The following RASSF3 variants were observed in gnomAD, a reference collection of about 807,000 sequenced individuals.
RASSF3 encodes the protein Ras association domain family member 3.
Under a neutral mutation model 19.9 loss-of-function variants are expected in RASSF3, and 19 were observed. The observed-to-expected ratio is 0.96, with a 90% CI of 0.67 to 1.40. RASSF3 has a LOEUF of 1.40. RASSF3 is among the 40% of genes most tolerant of loss of function. The pLI is 0.00. For synonymous variants in RASSF3, 110 were observed against 104.2 expected, an observed-to-expected ratio of 1.06 and a Z score of -0.34; for missense variants, 306 against 289.8, an observed-to-expected ratio of 1.06 and a Z score of -0.41.
chr12:64,598,576 C>T lies in RASSF3; in HGVS notation c.294+56871C>T, dbSNP rs149391456. Among the ~76,000 whole-genome samples, 374 of 152,270 alleles carry T rather than the reference C, an allele frequency of 2.5e-3. 3 individuals are homozygous for T. The highest frequency in any genetic ancestry group is 8.6e-3 in the African/African-American group (357 of 41,546). ...CCTTTGATATGGACAATTTATGCAGCCCAGCTTAGGCTACCACTAAGGCCT... is the reference window on the plus strand; with the variant it reads ...CCTTTGATATGGACAATTTATGCAGTCCAGCTTAGGCTACCACTAAGGCCT... On this transcript the variant is annotated intron_variant, in intron 2 of 5. Coordinates refer to the RASSF3 transcript ENST00000637125.
intron 1 of RASSF3, among the ~76,000 whole-genome samples, chr12:64,536,529 C>T (rs1338856657): frequency 6.6e-6 from 1 of 152,098 alleles, no homozygotes; most frequent in Non-Finnish European, 1.5e-5. Context: ...TTTATTATCA[C>T]ATAGACACAC....
At chr12:64,676,543 C>T (rs1275389617) in intron 1 of RASSF3, among the ~76,000 whole-genome samples, 1 of 144,476 alleles carries the variant, frequency 6.9e-6, no homozygotes, top group African/African-American at 2.6e-5. Flanking sequence ...ACAATTTTGG[C>T]TCACTGCAAC....
intron 2 of RASSF3, among the ~76,000 whole-genome samples, chr12:64,591,848 C>A (rs997822946): frequency 2.0e-5 from 3 of 151,894 alleles, no homozygotes. Flanking sequence ...TATGTGTTCT[C>A]ATCTGTTTCC....
At chr12:64,641,684 CG>C (rs1231099372) in intron 1 of RASSF3, among the ~76,000 whole-genome samples, 52 of 148,344 alleles carry the variant, frequency 3.5e-4, no homozygotes, top group African/African-American at 1.2e-3. Flanking sequence ...GGCATTTAAG[CG>C]GTTGAATATC....
intron 1 of RASSF3, among the ~76,000 whole-genome samples, chr12:64,632,757 TAAGGGTCTG>T (rs1871209021): frequency 6.6e-6 from 1 of 152,064 alleles, no homozygotes; most frequent in South Asian, 2.1e-4. Flanking sequence ...CAGCCAGAAT[TAAGGGTCTG>T]AAGCTCAGGA....
intron 2 of RASSF3, among the ~76,000 whole-genome samples, chr12:64,577,530 A>G (rs774491702): frequency 7.2e-5 from 11 of 152,196 alleles, no homozygotes; most frequent in Non-Finnish European, 1.5e-4. Context: ...CAGGAGTTGG[A>G]GACCAGCCTG....
chr12:64,635,662 T>C (rs1430314445), intron 1 of RASSF3, among the ~76,000 whole-genome samples: 1 of 152,206 alleles, frequency 6.6e-6, no homozygotes, highest in East Asian at 1.9e-4. Flanking sequence ...CGTTAGAAAC[T>C]GGGTGGTCTG....
At chr12:64,691,412 G>T (rs1486687277) in intron 3 of RASSF3, 58 bp from the exon 4 acceptor site, 2 of 1,142,986 alleles carry the variant, frequency 1.7e-6, no homozygotes, top group Non-Finnish European at 2.6e-6. Flanking sequence ...TCACAATGGG[G>T]AAGTGGTCTC....
intron 1 of RASSF3, among the ~76,000 whole-genome samples, chr12:64,614,222 C>G (rs1242309007): frequency 6.7e-6 from 1 of 150,214 alleles, no homozygotes; most frequent in Non-Finnish European, 1.5e-5. Context: ...CAACCTCCGT[C>G]TCCCGCGTGC....
downstream of RASSF3, among the ~76,000 whole-genome samples, chr12:64,545,969 G>T (rs1038466194): frequency 6.6e-6 from 1 of 151,798 alleles, no homozygotes; most frequent in African/African-American, 2.4e-5. Flanking sequence ...GGCAGCAGGC[G>T]CTTGTAGTCC....
At chr12:64,591,940 C>T (rs1869932975) in intron 2 of RASSF3, among the ~76,000 whole-genome samples, 1 of 150,298 alleles carries the variant, frequency 6.7e-6, no homozygotes, top group Non-Finnish European at 1.5e-5. Flanking sequence ...TTTACTGTGT[C>T]CCCTAGGCTA....
At chr12:64,643,427 G>A (rs1185974704) in intron 1 of RASSF3, among the ~76,000 whole-genome samples, 1 of 152,088 alleles carries the variant, frequency 6.6e-6, no homozygotes, top group Non-Finnish European at 1.5e-5. Flanking sequence ...CAGCTGCATG[G>A]GAGACTAAGG....
At chr12:64,511,833 C>A (rs969763828) in intron 1 of RASSF3, among the ~76,000 whole-genome samples, 5 of 152,040 alleles carry the variant, frequency 3.3e-5, no homozygotes, top group Non-Finnish European at 7.4e-5. Context: ...TCAGGATGGT[C>A]AAAAAATCAG....
intron 2 of RASSF3, among the ~76,000 whole-genome samples, chr12:64,569,833 C>T (rs1303194442): frequency 4.6e-5 from 7 of 152,110 alleles, no homozygotes; most frequent in Admixed American, 3.9e-4. Context: ...GGCATGGTGG[C>T]GCATGCCTGT....
rs79795089 is a variant in RASSF3 at position 64,571,246 on chromosome 12, A to G, written c.294+29541A>G. Among the ~76,000 whole-genome samples, 333 of 152,182 alleles carry G rather than the reference A, an allele frequency of 2.2e-3. 3 individuals carry two copies. Among genetic ancestry groups the G allele is most frequent in the African/African-American group, 7.6e-3 (314 of 41,528 alleles). ...AAAATAAAAATAAAAACAAAAATAA[A>G]AGAATGATAGTTTGTCTCCAAGCTT... On this transcript the variant is annotated intron_variant, in intron 2 of 5. Coordinates refer to the RASSF3 transcript ENST00000637125.
intron 1 of RASSF3, among the ~76,000 whole-genome samples, chr12:64,684,430 T>TG (rs1565870899): frequency 4.8e-5 from 3 of 62,104 alleles, no homozygotes; most frequent in Non-Finnish European, 1.1e-4. Context: ...TTTGTTTGTT[T>TG]GTTTGTTTTT....
chr12:64,690,235 G>A (rs1343021609), intron 3 of RASSF3, among the ~76,000 whole-genome samples: 2 of 151,912 alleles, frequency 1.3e-5, no homozygotes, highest in African/African-American at 4.8e-5. Context: ...AGGCTGGTGT[G>A]CAGTGGCACA....
chr12:64,602,442 A>G (rs1287712003), intron 2 of RASSF3, among the ~76,000 whole-genome samples: 2 of 151,430 alleles, frequency 1.3e-5, no homozygotes, highest in Non-Finnish European at 2.9e-5. Context: ...TTAGCTGGGC[A>G]TGGTGGTGCA....
At chr12:64,525,516 G>C (rs1868565758) in intron 1 of RASSF3, among the ~76,000 whole-genome samples, 2 of 152,138 alleles carry the variant, frequency 1.3e-5, no homozygotes, top group South Asian at 4.1e-4. Flanking sequence ...AGCCATGCCT[G>C]GGTCAGGCAG....
Sources: gnomAD v4.1 joint callset for allele counts (sites outside exome capture counted in the v4.1 genomes callset) on GRCh38, gnomAD v4.1.1 for gene constraint, MANE v1.5 for transcripts, NCBI Gene and HGNC (gene_info 2026-07-23, HGNC 2026-07-21) for gene names.